The following FLNA variants were observed in gnomAD, a reference collection of about 807,000 sequenced individuals.
FLNA encodes the protein filamin-A.
FLNA carries 7 observed loss-of-function variants against 157.6 expected under a neutral mutation model. That is an observed-to-expected ratio of 0.04 (90% CI 0.03 to 0.08). The LOEUF is 0.08. FLNA is among the 10% of genes least tolerant of loss of function. FLNA has a pLI of 1.00. For missense variants in FLNA, 1,750 were observed against 2,398.4 expected, an observed-to-expected ratio of 0.73 and a Z score of 5.65; for synonymous variants, 1,103 against 1,060.8, an observed-to-expected ratio of 1.04 and a Z score of -0.77.
At position 154,361,671 on chromosome X, in the gene FLNA, C is replaced by G. The variant is rs782755538; in HGVS notation, c.2943G>C (p.Glu981Asp). ...LSKIKVSGLG[E>D]KVDVGKDQEF... ...GCGACAAGGGCCCCAACTACTTACT[C>G]TCTCCCAGGCCAGACACCTTGATCT... The change falls in exon 20 of 48, where the codon GAG (glutamate) becomes GAC (aspartate). Residue 981 changes from glutamate to aspartate, a missense_variant and splice_region_variant. Physicochemically the swap from Glu to Asp is conservative, Grantham distance 45 (BLOSUM62 2). Coordinates refer to ENST00000369850, the MANE Select transcript of FLNA (RefSeq NM_001110556.2). The G allele has an allele frequency of 1.2e-5, 15 of 1,206,963 alleles. No homozygotes were observed. Among genetic ancestry groups the G allele is most frequent in the Non-Finnish European group, 1.7e-5 (15 of 892,662 alleles).
Position 154,362,485 on chromosome X carries a change from G to GTGTCAT in FLNA, c.2492_2497dup (p.Asn831_Asp832dup). The GTGTCAT allele has an allele frequency of 5.8e-6, 7 of 1,211,651 alleles. No homozygotes were observed. Among genetic ancestry groups the GTGTCAT allele is most frequent in the Non-Finnish European group, 7.8e-6 (7 of 895,277 alleles). ...CCGGGGCGTGTACTTGACCGTGAAG[G>GTGTCAT]TGTCATTGTCATTGCGGATGATGTC... On this transcript the variant is annotated inframe_insertion, in exon 17 of 48. Transcript: ENST00000369850.
intron 15 of FLNA, among the ~76,000 whole-genome samples, chrX:154,363,592 A>G (rs2067730752): frequency 9.1e-6 from 1 of 110,197 alleles, no homozygotes; most frequent in African/African-American, 3.3e-5. Flanking sequence ...GGGCGCCTGT[A>G]GTCCCAGCTA....
Position 154,371,006 on chromosome X carries a change from C to G in FLNA, c.240G>C (p.Leu80=), listed in dbSNP as rs372339478. 5.8e-6 allele frequency: 7 copies of G among 1,209,097 alleles called. No homozygotes were observed. In the African/African-American group the frequency reaches 1.2e-4, roughly 21 times the overall value. ...DLSDGLRLIA[L]LEVLSQKKMH... ...TCTTCTTCTGGCTGAGCACCTCCAA[C>G]AGCGCGATAAGCCGCAGCCCGTCGC... Residue 80 remains leucine, a synonymous_variant, in exon 2 of 48, where the codon CTG becomes CTC. Coordinates refer to ENST00000369850, the MANE Select transcript of FLNA (RefSeq NM_001110556.2).
rs782276039 is a variant in FLNA, at chrX:154,358,993, C to T, written c.4465G>A (p.Gly1489Arg). ...GCATGCAAACACTCACCTTTGGGCC[C>T]TTGCACTTTGACCTGCAATGGGGCC... ...GVAPLQVKVQ[G>R]PKGLVEPVDV... Residue 1489 changes from glycine (G) to arginine (R), a missense_variant, in exon 26 of 48, where the codon GGG becomes AGG. This residue lies in a region of FLNA where 970 missense variants were observed against 1,302.6 expected (regional missense o/e 0.74). Coordinates refer to ENST00000369850, the MANE Select transcript of FLNA (RefSeq NM_001110556.2). The T allele has an allele frequency of 2.5e-6, 3 of 1,211,334 alleles. No individual in the cohort carries two copies. The South Asian group carries it at 5.3e-5, about 21-fold the overall frequency.
chrX:154,350,648 G>A (rs1348414701), intron 44 of FLNA: 2 of 402,460 alleles, frequency 5.0e-6, no homozygotes, highest in Non-Finnish European at 8.8e-6. Context: ...TGAAGGGCCG[G>A]GCAGCACTGA....
rs1557177477 is a variant in FLNA at position 154,359,390 on chromosome X, C to T, written c.4159G>A (p.Gly1387Ser). Reference protein sequence around the residue: ...TVETRGAGTGGLGLAVEGPSE... With the variant: ...TVETRGAGTGSLGLAVEGPSE... ...GGGCCCTCTACAGCCAGGCCCAGGC[C>T]GCCCGTGCCAGCTCCCCTGGTCCAA... The change falls in exon 25 of 48, where the codon GGC becomes AGC. Residue 1387 changes from glycine (G) to serine (S), a missense_variant. Transcript: ENST00000369850. 8.3e-7 allele frequency: 1 copy of T among 1,211,541 alleles called. No individual in the cohort carries two copies. The highest frequency in any genetic ancestry group is 1.8e-5 in the South Asian group (1 of 57,059).
rs782308141 is a variant in FLNA, at chrX:154,349,405, G to A, written c.7713C>T (p.Tyr2571=). 21 of 1,211,271 alleles carry A rather than the reference G, an allele frequency of 1.7e-5. No individual in the cohort carries two copies. Among genetic ancestry groups the A allele is most frequent in the Middle Eastern group, 2.3e-4 (1 of 4,366 alleles). Residue 2571 remains tyrosine, a synonymous_variant, in exon 47 of 48, where the codon TAC becomes TAT. Coordinates refer to ENST00000369850, the MANE Select transcript of FLNA (RefSeq NM_001110556.2). ...VAKGLGLSKA[Y]VGQKSSFTVD... is the part of the protein sequence containing the mutation. ...CTGTGAAGCTGCTCTTCTGGCCTAC[G>A]TAGGCCTTGCTCAGCCCCAGGCCCT...
rs1196772251 is a variant in FLNA, at chrX:154,362,460, C to T, written c.2523G>A (p.Arg841=). The part of the protein sequence containing the change: ...NDTFTVKYTP[R]GAGSYTIMVL... The stretch of plus-strand genomic sequence containing the variant: ...CCATAATGGTGTAGCTGCCAGCCCC[C>T]CGGGGCGTGTACTTGACCGTGAAGG... Residue 841 remains arginine, a synonymous_variant, in exon 17 of 48, where the codon CGG becomes CGA. Transcript: ENST00000369850. The T allele has an allele frequency of 8.3e-7, 1 of 1,211,698 alleles. No individual in the cohort carries two copies. The highest frequency in any genetic ancestry group is 1.1e-6 in the Non-Finnish European group (1 of 895,406).
In FLNA at chrX:154,353,156, T is replaced by C. The variant is rs1557176154; in HGVS notation, c.6071A>G (p.Lys2024Arg). ...GCTGGCCACGTGCTGGCCATTTTTC[T>C]TCACATGCACCAGGTGCTCCCCCGT... ...KETGEHLVHV[K>R]KNGQHVASSP... The change falls in exon 38 of 48, where the codon AAG becomes AGG. Residue 2024 changes from lysine to arginine, a missense_variant. By Grantham distance (26) the Lys-to-Arg change is conservative. Transcript: ENST00000369850. 1.7e-6 allele frequency: 2 copies of C among 1,211,676 alleles called. No individual in the cohort carries two copies. Among genetic ancestry groups the C allele is most frequent in the East Asian group, 5.9e-5 (2 of 33,860 alleles).
rs781852888 is a variant in FLNA at position 154,360,326 on chromosome X, A to G, written c.3469T>C (p.Cys1157Arg). The change falls in exon 22 of 48, where the codon TGC (cysteine) becomes CGC (arginine). Residue 1157 changes from cysteine to arginine, a missense_variant. Transcript: ENST00000369850. Reference sequence around the variant, plus strand: ...CACTTGACTTTGGATGCGTCAAAGCAGGGAACCACGTGGGCCTTGAATGGG... The same window carrying G: ...CACTTGACTTTGGATGCGTCAAAGCGGGGAACCACGTGGGCCTTGAATGGG... ...GSPFKAHVVP[C>R]FDASKVKCSG... 4 of 1,210,939 alleles carry G rather than the reference A, an allele frequency of 3.3e-6. No homozygotes were observed. Among genetic ancestry groups the G allele is most frequent in the Non-Finnish European group, 4.5e-6 (4 of 895,482 alleles).
rs2067600031 is a variant in FLNA at position 154,349,349 on chromosome X, C to G, written c.7756+13G>C. 1 of 1,204,533 alleles carries G rather than the reference C, an allele frequency of 8.3e-7. No individual in the cohort carries two copies. The highest frequency in any genetic ancestry group is 1.7e-5 in the African/African-American group (1 of 57,598). ...TTTGGTGGGAAGGTGGGCCGGGGGC[C>G]CAGGTTGCCCACCTGCTTTGCTGCA... On this transcript the variant is annotated intron_variant, in intron 47 of 47. Transcript: ENST00000369850.
rs1557176447 is a variant in FLNA at position 154,354,384 on chromosome X, T to C, written c.5413A>G (p.Thr1805Ala). 1 of 1,210,384 alleles carries C rather than the reference T, an allele frequency of 8.3e-7. No individual in the cohort carries two copies. The highest frequency in any genetic ancestry group is 3.0e-5 in the East Asian group (1 of 33,788). Reference protein sequence around the residue: ...IPFTIKKGEITGEVRMPSGKV... With the variant: ...IPFTIKKGEIAGEVRMPSGKV... ...TCCTTCCCAAGTCCCCACTCACCTG[T>C]GATCTCGCCCTTCTTGATGGTGAAG... Residue 1805 changes from threonine (T) to alanine (A), a missense_variant, in exon 33 of 48, where the codon ACA becomes GCA. Thr to Ala is a moderately conservative substitution (Grantham distance 58, BLOSUM62 0). Transcript: ENST00000369850.
intron 15 of FLNA, among the ~76,000 whole-genome samples, chrX:154,363,798 G>A (rs1324639094): frequency 3.6e-5 from 4 of 112,094 alleles, no homozygotes; most frequent in African/African-American, 6.5e-5. Context: ...GGAAAACTTC[G>A]TGGTGAGCGA....
rs1453108649 is a variant in FLNA, at chrX:154,367,898, C to T, written c.566G>A (p.Ser189Asn). The change falls in exon 3 of 48, where the codon AGC becomes AAC. Residue 189 changes from serine to asparagine, a missense_variant. This residue lies in a region of FLNA where 71 missense variants were observed against 239.5 expected (regional missense o/e 0.30). Transcript: ENST00000369850. ...GGCCCGGCCGCTCTGCCAGTCCCGG[C>T]TGAAGTTGGTGATGGGCAGCTGCGG... ...KLPQLPITNF[S>N]RDWQSGRALG... The T allele has an allele frequency of 8.3e-7, 1 of 1,209,626 alleles. No individual in the cohort carries two copies. The highest frequency in any genetic ancestry group is 1.1e-6 in the Non-Finnish European group (1 of 895,092).
Position 154,358,437 on chromosome X carries a change from C to G in FLNA, c.4598+8G>C, listed in dbSNP as rs112379782. 2.3e-3 allele frequency: 2,753 copies of G among 1,209,677 alleles called. 48 individuals are homozygous for G. The African/African-American group carries it at 0.041, about 18-fold the overall frequency. On this transcript the variant is annotated splice_region_variant and intron_variant, in intron 27 of 47. Transcript: ENST00000369850. ...CACTCCCCACAGGCAGCAGGCCCTG[C>G]CTCTTACCTCCGGGGTACCTCTTCA...
intron 9 of FLNA, 63 bp downstream of exon 9, chrX:154,365,960 TC>T (rs1161052302): frequency 2.2e-5 from 24 of 1,068,697 alleles, no homozygotes; most frequent in Non-Finnish European, 2.9e-5. Context: ...GCCCAGGGGG[TC>T]CCCCTCCTGT....
rs182074603 is a variant in FLNA, at chrX:154,359,370, C to T, written c.4179G>A (p.Glu1393=). Residue 1393 remains glutamate (E), a synonymous_variant, in exon 25 of 48, where the codon GAG becomes GAA. Coordinates refer to ENST00000369850, the MANE Select transcript of FLNA (RefSeq NM_001110556.2). ...AGTGGLGLAV[E]GPSEAKMSCM... ...AGGACATCTTGGCCTCGGAGGGGCC[C>T]TCTACAGCCAGGCCCAGGCCGCCCG... The T allele has an allele frequency of 5.4e-5, 65 of 1,210,261 alleles. No homozygotes were observed. In the African/African-American group the frequency reaches 1.1e-3, roughly 21 times the overall value.
Position 154,362,735 on chromosome X carries a change from G to A in FLNA, c.2330C>T (p.Pro777Leu), listed in dbSNP as rs863223637. The part of the protein sequence containing the change: ...SHPNKVKVYG[P>L]GVAKTGLKAH... ...CTTGAGCCCTGTCTTGGCTACTCCG[G>A]GGCCGTATACTTTGACCTTGTTGGG... The change falls in exon 16 of 48, where the codon CCC becomes CTC. Residue 777 changes from proline (P) to leucine (L), a missense_variant. By Grantham distance (98) the Pro-to-Leu change is moderately conservative. This residue lies in a region of FLNA where 648 missense variants were observed against 805.8 expected (regional missense o/e 0.80). Transcript: ENST00000369850. 2 of 1,207,020 alleles carry A rather than the reference G, an allele frequency of 1.7e-6. No homozygotes were observed. The highest frequency in any genetic ancestry group is 2.2e-6 in the Non-Finnish European group (2 of 893,213).
At chrX:154,353,239 C>T (rs782479783) in intron 37 of FLNA, 35 bp from the exon 38 acceptor site, 3 of 1,209,002 alleles carry the variant, frequency 2.5e-6, no homozygotes, top group South Asian at 3.5e-5. Context: ...TCAGGGAGGG[C>T]ATGGCTCCCC....
Sources: allele counts gnomAD v4.1 joint callset (sites outside exome capture counted in the v4.1 genomes callset), GRCh38; gene constraint gnomAD v4.1.1; regional missense constraint gnomAD v4.1.1; transcripts MANE v1.5; gene names NCBI Gene and HGNC (gene_info 2026-07-23, HGNC 2026-07-21).